MACROD2: variants seen among roughly 807,000 people sequenced by gnomAD.
MACROD2 encodes the protein mono-ADP ribosylhydrolase 2, also known as ADP-ribose glycohydrolase MACROD2.
In MACROD2, 36 loss-of-function variants were observed where a neutral mutation model predicts 70.4. That is an observed-to-expected ratio of 0.51 (90% CI 0.39 to 0.68). The LOEUF (loss-of-function observed/expected upper bound fraction) is 0.68. MACROD2 is among the 30% of genes least tolerant of loss of function. The pLI is 0.00. For synonymous variants in MACROD2, 172 were observed against 178.8 expected, an observed-to-expected ratio of 0.96 and a Z score of 0.30; for missense variants, 496 against 538.4, an observed-to-expected ratio of 0.92 and a Z score of 0.78.
intron 5 of MACROD2, among the ~76,000 whole-genome samples, chr20:15,000,999 A>G (rs1489428515): frequency 1.3e-5 from 2 of 152,162 alleles, no homozygotes; most frequent in Non-Finnish European, 2.9e-5. Flanking sequence ...TCACTTCATC[A>G]CACCTTAGCA....
intron 5 of MACROD2, among the ~76,000 whole-genome samples, chr20:15,191,618 C>T (rs762300841): frequency 3.3e-5 from 5 of 152,278 alleles, no homozygotes; most frequent in South Asian, 4.1e-4. Flanking sequence ...TCACCTTAAA[C>T]GACAAATGAA....
chr20:15,847,812 T>G (rs2064250523), intron 8 of MACROD2, among the ~76,000 whole-genome samples: 3 of 152,228 alleles, frequency 2.0e-5, no homozygotes, highest in Admixed American at 2.0e-4. Flanking sequence ...TGCCGTAGTC[T>G]TCTCTTCTTT....
chr20:14,757,656 T>C (rs1419158037), intron 5 of MACROD2: 2 of 1,283,242 alleles, frequency 1.6e-6, no homozygotes, highest in Admixed American at 3.4e-5. Context: ...CCTAAGCACC[T>C]GGAGCTGTCA....
At chr20:14,510,235 T>G (rs2123145254) in intron 4 of MACROD2, among the ~76,000 whole-genome samples, 1 of 152,170 alleles carries the variant, frequency 6.6e-6, no homozygotes, top group African/African-American at 2.4e-5. Context: ...TAAAAGCAGT[T>G]TTTCCTTAGC....
intron 3 of MACROD2, among the ~76,000 whole-genome samples, chr20:14,341,078 G>T (rs2083008086): frequency 6.6e-6 from 1 of 152,064 alleles, no homozygotes; most frequent in Non-Finnish European, 1.5e-5. Context: ...ATACAATTCA[G>T]GTCTGTCTAG....
chr20:15,735,198 C>A (rs1296555590), intron 8 of MACROD2, among the ~76,000 whole-genome samples: 1 of 152,218 alleles, frequency 6.6e-6, no homozygotes, highest in East Asian at 1.9e-4. Context: ...TGACCTCAAG[C>A]AATCTGCTTG....
At chr20:14,773,630 A>G (rs763618923) in intron 5 of MACROD2, among the ~76,000 whole-genome samples, 4 of 152,094 alleles carry the variant, frequency 2.6e-5, no homozygotes, top group Non-Finnish European at 4.4e-5. Flanking sequence ...ATGTGTATAT[A>G]TGTCACATTT....
At chr20:15,023,938 G>C (rs1325600518) in intron 5 of MACROD2, among the ~76,000 whole-genome samples, 1 of 152,032 alleles carries the variant, frequency 6.6e-6, no homozygotes. Flanking sequence ...GGGGATAAAG[G>C]TACTACCACC....
chr20:15,555,850 A>G (rs1266222230), intron 8 of MACROD2, among the ~76,000 whole-genome samples: 16 of 146,922 alleles, frequency 1.1e-4, no homozygotes, highest in East Asian at 1.9e-4. Flanking sequence ...AAAAAAAAAA[A>G]AAAAGGAAAA....
At chr20:15,210,552 GTTT>G (rs11333280) in intron 5 of MACROD2, among the ~76,000 whole-genome samples, 32 of 121,618 alleles carry the variant, frequency 2.6e-4, no homozygotes, top group Non-Finnish European at 3.3e-4. Context: ...CTTTTCTTCT[GTTT>G]TTTTTTTTTT....
intron 3 of MACROD2, among the ~76,000 whole-genome samples, chr20:14,437,527 G>A (rs993960448): frequency 6.6e-6 from 1 of 152,182 alleles, no homozygotes; most frequent in African/African-American, 2.4e-5. Context: ...CAGGGAAGAA[G>A]AGGTTGCAGT....
intron 8 of MACROD2, among the ~76,000 whole-genome samples, chr20:15,745,858 C>T (rs1209614719): frequency 1.3e-5 from 2 of 152,042 alleles, no homozygotes; most frequent in Non-Finnish European, 2.9e-5. Flanking sequence ...ATATTAAAGA[C>T]CTATATATGT....
At chr20:15,414,066 A>T (rs1600377458) in intron 6 of MACROD2, among the ~76,000 whole-genome samples, 2 of 152,206 alleles carry the variant, frequency 1.3e-5, no homozygotes, top group African/African-American at 4.8e-5. Flanking sequence ...CTGAGGTTAT[A>T]TATATCATTA....
intron 3 of MACROD2, among the ~76,000 whole-genome samples, chr20:14,454,327 C>T (rs1412117253): frequency 1.3e-5 from 2 of 151,412 alleles, no homozygotes; most frequent in African/African-American, 2.4e-5. Flanking sequence ...TTTACCATAT[C>T]AACTGTATAT....
chr20:14,921,650 T>A (rs1207454323), intron 5 of MACROD2, among the ~76,000 whole-genome samples: 1 of 152,196 alleles, frequency 6.6e-6, no homozygotes, highest in East Asian at 1.9e-4. Context: ...AATGGCAGCA[T>A]AAATAGCATA....
chr20:14,803,884 A>G (rs1285341413), intron 5 of MACROD2, among the ~76,000 whole-genome samples: 1 of 152,122 alleles, frequency 6.6e-6, no homozygotes. Flanking sequence ...TAGCTTCAGT[A>G]TTATTCTTTA....
At chr20:15,354,923 A>G (rs755634222) in intron 6 of MACROD2, among the ~76,000 whole-genome samples, 2 of 152,230 alleles carry the variant, frequency 1.3e-5, no homozygotes, top group Admixed American at 1.3e-4. Context: ...TCAATTGTGC[A>G]CTAGTTTTGT....
At chr20:14,702,668 TATATATACAC>T (rs1367064508) in intron 5 of MACROD2, among the ~76,000 whole-genome samples, 8 of 80,530 alleles carry the variant, frequency 9.9e-5, no homozygotes, top group African/African-American at 2.2e-4. Flanking sequence ...TATGTGTATA[TATATATACAC>T]ATATATGTGT....
intron 15 of MACROD2, among the ~76,000 whole-genome samples, chr20:15,997,344 T>A (rs1310234278): frequency 2.6e-5 from 4 of 152,208 alleles, no homozygotes; most frequent in African/African-American, 9.6e-5. Flanking sequence ...GTATGGAATA[T>A]CTTTACATTT....
Sources: gnomAD v4.1 joint callset for allele counts (sites outside exome capture counted in the v4.1 genomes callset) on GRCh38, gnomAD v4.1.1 for gene constraint, MANE v1.5 for transcripts, NCBI Gene and HGNC (gene_info 2026-07-23, HGNC 2026-07-21) for gene names.